CACNA1D: variants seen among roughly 807,000 people sequenced by gnomAD.
CACNA1D encodes calcium voltage-gated channel subunit alpha1 D.
A neutral mutation model predicts 257.1 loss-of-function variants in CACNA1D; 55 were observed. The observed-to-expected ratio is 0.21, with a 90% confidence interval of 0.17 to 0.27. The LOEUF is 0.27. Among genes scored for constraint, CACNA1D ranks in the 10% least tolerant of loss-of-function variants. The pLI, the probability that CACNA1D is intolerant of heterozygous loss-of-function variation, is 1.00. For missense variants in CACNA1D, 1,876 were observed against 2,784.0 expected (o/e 0.67, Z 7.34); for synonymous variants, 980 against 1,014.9 (o/e 0.97, Z 0.65).
At chr3:53,676,261 C>T (rs972860635) in intron 8 of CACNA1D, among the ~76,000 whole-genome samples, 3 of 152,182 alleles carry the variant, frequency 2.0e-5, no homozygotes, top group Admixed American at 6.5e-5. Context: ...CCTCCACCTC[C>T]GCCCCTCCGC....
chr3:53,531,976 C>G (rs2091966355), intron 3 of CACNA1D, among the ~76,000 whole-genome samples: 1 of 152,122 alleles, frequency 6.6e-6, no homozygotes, highest in Admixed American at 6.6e-5. Flanking sequence ...CCAGGGATCC[C>G]CTCGGTCTTT....
At chr3:53,601,665 C>T (rs2093444018) in intron 3 of CACNA1D, among the ~76,000 whole-genome samples, 1 of 152,130 alleles carries the variant, frequency 6.6e-6, no homozygotes, top group Non-Finnish European at 1.5e-5. Context: ...GTAGTAACAA[C>T]AATAATGATA....
At chr3:53,548,373 A>ATTTTT (rs1278474628) in intron 3 of CACNA1D, among the ~76,000 whole-genome samples, 33 of 127,484 alleles carry the variant, frequency 2.6e-4, no homozygotes, top group South Asian at 9.0e-4. Context: ...TTTTTTTTTA[A>ATTTTT]AAATTATCTT....
At chr3:53,569,417 C>T (rs564537855) in intron 3 of CACNA1D, among the ~76,000 whole-genome samples, 32 of 152,342 alleles carry the variant, frequency 2.1e-4, no homozygotes, top group African/African-American at 7.2e-4. Context: ...ATGTGGGCTC[C>T]ACAATGGAGG....
chr3:53,712,100 A>T (rs575220915), intron 9 of CACNA1D, among the ~76,000 whole-genome samples: 1 of 152,332 alleles, frequency 6.6e-6, no homozygotes, highest in South Asian at 2.1e-4. Flanking sequence ...GAGATAAATG[A>T]TTTCTGTCCC....
intron 3 of CACNA1D, among the ~76,000 whole-genome samples, chr3:53,565,624 A>G (rs1163208765): frequency 6.6e-6 from 1 of 152,208 alleles, no homozygotes; most frequent in Non-Finnish European, 1.5e-5. Flanking sequence ...AATTCCAGAA[A>G]ATATACTGAG....
intron 3 of CACNA1D, among the ~76,000 whole-genome samples, chr3:53,555,948 C>T (rs76103247): frequency 0.01 from 1,563 of 152,198 alleles, 24 homozygotes; most frequent in African/African-American, 0.035. Flanking sequence ...TTTTGTCCCC[C>T]GCAAAACTTA....
chr3:53,541,222 C>T (rs549939084), intron 3 of CACNA1D, among the ~76,000 whole-genome samples: 2 of 152,134 alleles, frequency 1.3e-5, no homozygotes, highest in African/African-American at 4.8e-5. Context: ...AATATTTACT[C>T]CCAGTTAATT....
chr3:53,709,837 T>A (rs1040526083), intron 9 of CACNA1D, among the ~76,000 whole-genome samples: 3 of 152,240 alleles, frequency 2.0e-5, no homozygotes, highest in Non-Finnish European at 4.4e-5. Context: ...GTTCACCTCT[T>A]ACAACAACCT....
At position 53,803,461 on chromosome 3, in the gene CACNA1D, G is replaced by A. The variant is rs139829141; in HGVS notation, c.5474G>A (p.Arg1825Gln). Residue 1825 changes from arginine to glutamine, a missense_variant, in exon 44 of 48, where the codon CGG becomes CAG. Arg to Gln is a conservative substitution (Grantham distance 43, BLOSUM62 1). Coordinates refer to ENST00000350061, the MANE Select transcript of CACNA1D (RefSeq NM_001128840.3). ...GATGAACAGCTCCCAACTATTTGCC[G>A]GGAAGACCCAGAGATACATGGCTAT... Reference protein sequence around the residue: ...SGDEQLPTICREDPEIHGYFR... With the variant: ...SGDEQLPTICQEDPEIHGYFR... 176 of 1,614,194 alleles carry A rather than the reference G, an allele frequency of 1.1e-4. 2 individuals are homozygous for A. The highest frequency in any genetic ancestry group is 2.3e-4 in the South Asian group (21 of 91,090).
chr3:53,670,355 A>AT (rs1202276642), intron 7 of CACNA1D, among the ~76,000 whole-genome samples: 3 of 151,992 alleles, frequency 2.0e-5, no homozygotes, highest in Admixed American at 6.6e-5. Context: ...TATTTTTTAC[A>AT]TTTTTTTGAG....
intron 1 of CACNA1D, 71 bp from the exon 2 acceptor site, chr3:53,497,081 T>C (rs2090383620): frequency 8.3e-7 from 1 of 1,197,700 alleles, no homozygotes; most frequent in Non-Finnish European, 1.2e-6. Flanking sequence ...GAGACAACCT[T>C]TGATTTTTTT....
chr3:53,745,982 C>A, intron 25 of CACNA1D, 107 bp downstream of exon 25: 1 of 826,856 alleles, frequency 1.2e-6, no homozygotes, highest in Non-Finnish European at 2.1e-6. Context: ...ATAAAATAGG[C>A]CTGTGTGCTC....
At chr3:53,759,351 A>G (rs931530330) in intron 29 of CACNA1D, among the ~76,000 whole-genome samples, 5 of 152,252 alleles carry the variant, frequency 3.3e-5, no homozygotes, top group African/African-American at 9.6e-5. Flanking sequence ...GGAGCTGTTC[A>G]GGAATAAAAT....
At chr3:53,608,566 G>A (rs2093543071) in intron 3 of CACNA1D, among the ~76,000 whole-genome samples, 1 of 152,146 alleles carries the variant, frequency 6.6e-6, no homozygotes, top group Admixed American at 6.5e-5. Context: ...TGATCTTAGG[G>A]GAAAGCACTC....
intron 3 of CACNA1D, among the ~76,000 whole-genome samples, chr3:53,544,423 A>C (rs577565632): frequency 4.6e-5 from 7 of 152,260 alleles, no homozygotes; most frequent in African/African-American, 1.7e-4. Context: ...TTCCTGAGAC[A>C]GAGGGGACTG....
chr3:53,811,471 C>A lies in CACNA1D; in HGVS notation c.*65C>A. On this transcript the variant is annotated 3_prime_UTR_variant, in exon 48 of 48. Coordinates refer to ENST00000350061, the MANE Select transcript of CACNA1D (RefSeq NM_001128840.3). The surrounding 1 kb of genome is among the most constrained non-coding windows in gnomAD (Gnocchi z 4.2). Reference sequence around the variant, plus strand: ...GCGCAGGAGAGCCAGGGGAAAAGTGCCTCATAGTTAGGAAAGTTTAGGCAC... The same window carrying A: ...GCGCAGGAGAGCCAGGGGAAAAGTGACTCATAGTTAGGAAAGTTTAGGCAC... The A allele has an allele frequency of 7.2e-7, 1 of 1,383,382 alleles. No individual in the cohort carries two copies. The highest frequency in any genetic ancestry group is 9.7e-7 in the Non-Finnish European group (1 of 1,031,308). The allele number at this position is 1,383,382 out of a possible 1,614,324, so 85.7% of individuals were successfully genotyped here. A position where few individuals can be genotyped will look rare whatever the true frequency, so the allele number is the denominator to read the frequency against.
chr3:53,635,879 G>A (rs770543227), intron 3 of CACNA1D, among the ~76,000 whole-genome samples: 4 of 152,152 alleles, frequency 2.6e-5, no homozygotes, highest in Non-Finnish European at 4.4e-5. Context: ...CTTAGGACAG[G>A]CAGGAAACTC....
intron 3 of CACNA1D, among the ~76,000 whole-genome samples, chr3:53,560,061 C>CTT (rs34438908): frequency 2.9e-5 from 3 of 102,656 alleles, no homozygotes; most frequent in Non-Finnish European, 5.5e-5. Context: ...TTAGGAGTTC[C>CTT]TTTTTTTTTT....
Sources: allele counts gnomAD v4.1 joint callset (sites outside exome capture counted in the v4.1 genomes callset), GRCh38; gene constraint gnomAD v4.1.1; non-coding constraint Gnocchi (gnomAD v3.1); transcripts MANE v1.5; gene names NCBI Gene and HGNC (gene_info 2026-07-23, HGNC 2026-07-21).